FAM110C: variants seen among roughly 807,000 people sequenced by gnomAD.
The protein encoded by FAM110C is protein FAM110C.
Under a neutral mutation model 15.7 loss-of-function variants are expected in FAM110C, and 19 were observed. That is an observed-to-expected ratio of 1.21 (90% CI 0.85 to 1.78). FAM110C has a LOEUF of 1.78. Ranked by LOEUF, FAM110C falls within the 40% of genes most tolerant of loss-of-function variation. The pLI, the probability that FAM110C is intolerant of heterozygous loss-of-function variation, is 0.00. For synonymous variants in FAM110C, 275 were observed against 233.9 expected (o/e 1.18, Z -1.61); for missense variants, 547 against 495.7 (o/e 1.10, Z -0.98).
intron 1 of FAM110C, chr2:43,977 A>T (rs1664204369): frequency 1.0e-6 from 1 of 985,234 alleles, no homozygotes; most frequent in Non-Finnish European, 1.2e-6. Context: ...TGCAGGAATC[A>T]TTTGCTAACA....
chr2:43,263 A>G (rs1664176122), intron 1 of FAM110C: 1 of 985,412 alleles, frequency 1.0e-6, no homozygotes, highest in African/African-American at 1.7e-5. Context: ...AATTCCATAT[A>G]AAAACTGGGG....
rs748256808 is a variant in FAM110C, at chr2:45,432, G to A, written c.946+8C>T. ...GCCAGCCCCGCCCCCAGCCTTCTGG[G>A]CACACACCTCGGGTCCGGCTCTGCT... On this transcript the variant is annotated splice_region_variant and intron_variant, in intron 1 of 1. Transcript: ENST00000327669. The A allele has an allele frequency of 5.0e-6, 8 of 1,601,522 alleles. No homozygotes were observed. The highest frequency in any genetic ancestry group is 6.8e-6 in the Non-Finnish European group (8 of 1,172,008).
In FAM110C at chr2:45,573, C is replaced by T. The variant is rs1182307542; in HGVS notation, c.813G>A (p.Leu271=). The T allele has an allele frequency of 6.2e-7, 1 of 1,613,368 alleles. No individual in the cohort carries two copies. Among genetic ancestry groups the T allele is most frequent in the East Asian group, 2.2e-5 (1 of 44,884 alleles). ...SRHSGGDDEG[L]QEEELIEQVP... ...CCTGCTCTATCAGCTCCTCCTCCTGCAGCCCCTCGTCGTCGCCGCCGCTGT... is the reference window on the plus strand; with the variant it reads ...CCTGCTCTATCAGCTCCTCCTCCTGTAGCCCCTCGTCGTCGCCGCCGCTGT... Residue 271 remains leucine, a synonymous_variant, in exon 1 of 2, where the codon CTG becomes CTA. Coordinates refer to ENST00000327669, the MANE Select transcript of FAM110C (RefSeq NM_001077710.3).
chr2:45,786 T>G lies in FAM110C; in HGVS notation c.600A>C (p.Ser200=). Residue 200 remains serine (S), a synonymous_variant, in exon 1 of 2, where the codon TCA becomes TCC. Coordinates refer to ENST00000327669, the MANE Select transcript of FAM110C (RefSeq NM_001077710.3). ...AATAGCGGGAGCTGAGGTCCGACTG[T>G]GAGCGCTGCAGCCCCCGACGCCTCA... The part of the protein sequence containing the change: ...RVVRRRGLQR[S]QSDLSSRYSA... 6.4e-7 allele frequency: 1 copy of G among 1,563,310 alleles called. No homozygotes were observed. Among genetic ancestry groups the G allele is most frequent in the East Asian group, 2.4e-5 (1 of 42,276 alleles).
At position 45,758 on chromosome 2, in the gene FAM110C, C is replaced by A. The variant is rs780112321; in HGVS notation, c.628G>T (p.Ala210Ser). The A allele has an allele frequency of 1.3e-6, 2 of 1,584,136 alleles. No individual in the cohort carries two copies. Among genetic ancestry groups the A allele is most frequent in the Non-Finnish European group, 1.7e-6 (2 of 1,167,542 alleles). ...AAGGTGTCAGACTCGGCCAAGGCAGCGGAATAGCGGGAGCTGAGGTCCGAC... is the reference window on the plus strand; with the variant it reads ...AAGGTGTCAGACTCGGCCAAGGCAGAGGAATAGCGGGAGCTGAGGTCCGAC... ...SQSDLSSRYSAALAESDTFFQ... is the reference protein window; with the variant it reads ...SQSDLSSRYSSALAESDTFFQ... The change falls in exon 1 of 2, where the codon GCT (alanine) becomes TCT (serine). Residue 210 changes from alanine (A) to serine (S), a missense_variant. Physicochemically the swap from Ala to Ser is moderately conservative, Grantham distance 99 (BLOSUM62 1). Coordinates refer to ENST00000327669, the MANE Select transcript of FAM110C (RefSeq NM_001077710.3).
At chr2:45,186 C>G in intron 1 of FAM110C, 1 of 985,440 alleles carries the variant, frequency 1.0e-6, no homozygotes, top group Non-Finnish European at 1.2e-6. Flanking sequence ...AATTGCCTTT[C>G]CAGGCAGCCA....
chr2:42,064 CG>C, intron 1 of FAM110C: 1 of 985,400 alleles, frequency 1.0e-6, no homozygotes, highest in Non-Finnish European at 1.2e-6. Context: ...GGCCCAGGCG[CG>C]GGTCACACGA....
At chr2:42,085 G>A in intron 1 of FAM110C, 1 of 985,424 alleles carries the variant, frequency 1.0e-6, no homozygotes, top group Non-Finnish European at 1.2e-6. Flanking sequence ...ACAGGGAAGA[G>A]TGGCCTTATG....
chr2:41,792 G>A (rs574575857), intron 1 of FAM110C, 165 bp from the exon 2 acceptor site: 1 of 985,416 alleles, frequency 1.0e-6, no homozygotes, highest in African/African-American at 1.7e-5. Context: ...CAAGAGGTCA[G>A]TAACTTTATT....
At chr2:45,076 T>C (rs1664237376) in intron 1 of FAM110C, 1 of 985,284 alleles carries the variant, frequency 1.0e-6, no homozygotes, top group Non-Finnish European at 1.2e-6. Context: ...TGTTTTCAGC[T>C]CAGGAAAGAA....
At position 46,372 on chromosome 2, in the gene FAM110C, G is replaced by A. The variant is rs1051084580; in HGVS notation, c.14C>T (p.Ala5Val). The A allele has an allele frequency of 3.9e-6, 5 of 1,297,286 alleles. No homozygotes were observed. Among genetic ancestry groups the A allele is most frequent in the Admixed American group, 4.2e-5 (1 of 23,768 alleles). 80.4% of individuals were successfully genotyped at this position (1,297,286 alleles called of 1,614,324 possible). A position where few individuals can be genotyped will look rare whatever the true frequency, so the allele number is the denominator to read the frequency against. The change falls in exon 1 of 2, where the codon GCG becomes GTG. Residue 5 changes from alanine to valine, a missense_variant. Coordinates refer to ENST00000327669, the MANE Select transcript of FAM110C (RefSeq NM_001077710.3). ...CTCGTTCGGGGGCGCGCTCAGGGCC[G>A]CCAGGGCGCGCATCTTCGCGGGGAA... MRALAALSAPPNERL... is the reference protein window; with the variant it reads MRALVALSAPPNERL...
chr2:41,903 G>A, intron 1 of FAM110C: 2 of 985,344 alleles, frequency 2.0e-6, no homozygotes, highest in Non-Finnish European at 2.4e-6. Flanking sequence ...AACTACTCAT[G>A]GGGCAGTAAA....
chr2:43,946 C>A, intron 1 of FAM110C: 1 of 985,392 alleles, frequency 1.0e-6, no homozygotes, highest in African/African-American at 1.7e-5. Flanking sequence ...TTTTTATGGA[C>A]AAAGGACGCC....
chr2:42,691 A>G (rs1664156933), intron 1 of FAM110C: 1 of 392,200 alleles, frequency 2.5e-6, no homozygotes, highest in Non-Finnish European at 3.5e-6. Context: ...AGAAACTTAT[A>G]AACGTATTTA....
At chr2:43,991 G>A in intron 1 of FAM110C, 12 of 985,330 alleles carry the variant, frequency 1.2e-5, no homozygotes, top group Non-Finnish European at 1.3e-5. Context: ...GCTAACATAA[G>A]ACAGGCCCTT....
chr2:45,454 T>C lies in FAM110C; in HGVS notation c.932A>G (p.Gln311Arg), dbSNP rs771182724. Residue 311 changes from glutamine to arginine, a missense_variant, in exon 1 of 2, where the codon CAG becomes CGG. Gln to Arg is a conservative substitution (Grantham distance 43). Coordinates refer to ENST00000327669, the MANE Select transcript of FAM110C (RefSeq NM_001077710.3). ...KKAKETPSQE[Q>R]SRTRGSKPSR ...TGGGCACACACCTCGGGTCCGGCTCTGCTCCTGGCTGGGGGTCTCCTTGGC... is the reference window on the plus strand; with the variant it reads ...TGGGCACACACCTCGGGTCCGGCTCCGCTCCTGGCTGGGGGTCTCCTTGGC... 36 of 1,611,220 alleles carry C rather than the reference T, an allele frequency of 2.2e-5. No individual in the cohort carries two copies. The South Asian group carries it at 3.8e-4, about 17-fold the overall frequency.
At position 46,382 on chromosome 2, in the gene FAM110C, G is replaced by A. The variant is rs1664314963; in HGVS notation, c.4C>T (p.Arg2Cys). M[R>C]ALAALSAPPN... The stretch of plus-strand genomic sequence containing the variant: ...GGCGCGCTCAGGGCCGCCAGGGCGC[G>A]CATCTTCGCGGGGAATGGACCGACC... The change falls in exon 1 of 2, where the codon CGC (arginine) becomes TGC (cysteine). Residue 2 changes from arginine (R) to cysteine (C), a missense_variant. Coordinates refer to ENST00000327669, the MANE Select transcript of FAM110C (RefSeq NM_001077710.3). 2 of 1,281,476 alleles carry A rather than the reference G, an allele frequency of 1.6e-6. No homozygotes were observed. The highest frequency in any genetic ancestry group is 3.0e-4 in the Middle Eastern group (1 of 3,304). 79.4% of individuals were successfully genotyped at this position (1,281,476 alleles called of 1,614,324 possible).
chr2:41,745 C>T lies in FAM110C; in HGVS notation c.947-118G>A, dbSNP rs371974298. On this transcript the variant is annotated intron_variant, in intron 1 of 1. Coordinates refer to ENST00000327669, the MANE Select transcript of FAM110C (RefSeq NM_001077710.3). ...AGTTTTTGTTTTCTGACATTCTCTG[C>T]ATTTTGAAACATCTTCTTTTGCGTT... 11 of 1,388,928 alleles carry T rather than the reference C, an allele frequency of 7.9e-6. No homozygotes were observed. The East Asian group carries it at 1.6e-4, about 20-fold the overall frequency. The allele number at this position is 1,388,928 out of a possible 1,614,324, so 86.0% of individuals were successfully genotyped here.
intron 1 of FAM110C, chr2:43,516 A>T (rs1244929864): frequency 2.0e-6 from 2 of 985,264 alleles, no homozygotes; most frequent in Non-Finnish European, 1.2e-6. Flanking sequence ...CAAGCTAACT[A>T]AACTTCTTAT....
Sources: allele counts gnomAD v4.1 joint callset, GRCh38; gene constraint gnomAD v4.1.1; transcripts MANE v1.5; gene names NCBI Gene and HGNC (gene_info 2026-07-23, HGNC 2026-07-21).